The following SRGAP3 variants were observed in gnomAD, a reference collection of about 807,000 sequenced individuals.
SRGAP3 encodes SLIT-ROBO Rho GTPase-activating protein 3.
Under a neutral mutation model 121.1 loss-of-function variants are expected in SRGAP3, and 39 were observed. That is an observed-to-expected ratio of 0.32 (90% CI 0.25 to 0.42). The LOEUF is 0.42. SRGAP3 is among the 10% of genes least tolerant of loss of function. The pLI, the probability that SRGAP3 is intolerant of heterozygous loss-of-function variation, is 1.00. For synonymous variants in SRGAP3, 601 were observed against 570.0 expected (o/e 1.05, Z -0.77); for missense variants, 1,213 against 1,470.6 (o/e 0.82, Z 2.86).
intron 1 of SRGAP3, among the ~76,000 whole-genome samples, chr3:9,129,981 C>T (rs1225580346): frequency 3.9e-5 from 6 of 152,044 alleles, no homozygotes; most frequent in Admixed American, 6.6e-5. Flanking sequence ...AGGCTGGTGT[C>T]GAACTCCCGA....
chr3:9,041,472 C>G (rs145808402), intron 10 of SRGAP3, among the ~76,000 whole-genome samples: 7 of 152,338 alleles, frequency 4.6e-5, no homozygotes, highest in African/African-American at 1.7e-4. Context: ...CTTCTCCTAC[C>G]AAAACTGTAC....
intron 2 of SRGAP3, among the ~76,000 whole-genome samples, chr3:9,123,428 C>T (rs1458033544): frequency 1.3e-5 from 2 of 150,294 alleles, no homozygotes; most frequent in Non-Finnish European, 2.9e-5. Context: ...ATGGAGAGGC[C>T]GGGTATGGTG....
chr3:9,077,730 G>A (rs1262877639), intron 4 of SRGAP3, among the ~76,000 whole-genome samples: 1 of 152,248 alleles, frequency 6.6e-6, no homozygotes, highest in Non-Finnish European at 1.5e-5. Flanking sequence ...TGGAGCACCT[G>A]CTGGATTCAG....
chr3:8,984,173 T>C lies in SRGAP3; in HGVS notation c.*1346A>G, dbSNP rs1324420177. The C allele has an allele frequency of 4.3e-6, 1 of 230,952 alleles. No individual in the cohort carries two copies. The highest frequency in any genetic ancestry group is 8.6e-6 in the Non-Finnish European group (1 of 116,716). 14.3% of individuals were successfully genotyped at this position (230,952 alleles called of 1,614,324 possible). ...ACATTTTCATCTACACTAAATGTTC[T>C]GGAGGGAGTGGGTGAAGGGGGAGGG... On this transcript the variant is annotated 3_prime_UTR_variant, in exon 22 of 22. Coordinates refer to ENST00000383836, the MANE Select transcript of SRGAP3 (RefSeq NM_014850.4).
intron 4 of SRGAP3, among the ~76,000 whole-genome samples, chr3:9,078,365 G>A (rs1947071627): frequency 6.6e-6 from 1 of 152,014 alleles, no homozygotes; most frequent in Non-Finnish European, 1.5e-5. Context: ...ACCTAGACTG[G>A]GGAGCACCTG....
intron 1 of SRGAP3, among the ~76,000 whole-genome samples, chr3:9,244,499 C>A (rs1953755756): frequency 6.6e-6 from 1 of 151,294 alleles, no homozygotes; most frequent in African/African-American, 2.4e-5. Flanking sequence ...TATCAGGTTG[C>A]AATGGAAATA....
In SRGAP3 at chr3:8,992,889, GAAT is replaced by G. The variant is rs773015733; in HGVS notation, c.2558+14_2558+16del. 89 of 1,614,110 alleles carry G rather than the reference GAAT, an allele frequency of 5.5e-5. No individual in the cohort carries two copies. In the Middle Eastern group the frequency reaches 9.9e-4, roughly 18 times the overall value. On this transcript the variant is annotated intron_variant, in intron 20 of 21. Transcript: ENST00000383836. Reference sequence around the variant, plus strand: ...GGATTGACACCAGCAGGGAAAAAATGAATCCGCATATCCTACCGGCCCATCACC... The same window carrying G: ...GGATTGACACCAGCAGGGAAAAAATGCCGCATATCCTACCGGCCCATCACC...
chr3:9,024,506 C>T (rs567381281), intron 14 of SRGAP3, among the ~76,000 whole-genome samples: 10 of 152,298 alleles, frequency 6.6e-5, no homozygotes, highest in African/African-American at 2.2e-4. Flanking sequence ...TGTTTCCTGA[C>T]CCAGTGAGTC....
chr3:8,985,291 C>T lies in SRGAP3; in HGVS notation c.*228G>A, dbSNP rs759347546. ...TGCTGTGGTTGGGGCTGCTGGAGCT[C>T]CAGCACTCCTCTGGTCGTCTGTTGA... On this transcript the variant is annotated 3_prime_UTR_variant, in exon 22 of 22. Transcript: ENST00000383836. This position sits in a 1 kb window ranked among gnomAD's most constrained non-coding sequence, Gnocchi z 5.1. The T allele has an allele frequency of 1.4e-5, 13 of 930,316 alleles. No individual in the cohort carries two copies. The highest frequency in any genetic ancestry group is 1.8e-5 in the Non-Finnish European group (12 of 655,256). The allele number at this position is 930,316 out of a possible 1,614,324, so 57.6% of individuals were successfully genotyped here.
chr3:9,336,743 C>T (rs1055065521), intron 1 of SRGAP3, among the ~76,000 whole-genome samples: 1 of 151,986 alleles, frequency 6.6e-6, no homozygotes, highest in African/African-American at 2.4e-5. Flanking sequence ...TAAATAAACT[C>T]AGATAGGTGG....
intron 3 of SRGAP3, among the ~76,000 whole-genome samples, chr3:9,308,212 G>C (rs992323855): frequency 1.3e-5 from 2 of 152,180 alleles, no homozygotes; most frequent in African/African-American, 2.4e-5. Context: ...TGTTCACTGA[G>C]GGACAACTGA....
chr3:9,295,952 C>G (rs1322587120), intron 3 of SRGAP3, among the ~76,000 whole-genome samples: 1 of 152,180 alleles, frequency 6.6e-6, no homozygotes, highest in East Asian at 1.9e-4. Context: ...GTTCATCCAA[C>G]TTGCTGTATT....
intron 1 of SRGAP3, among the ~76,000 whole-genome samples, chr3:9,243,616 CAGAG>C (rs1287850040): frequency 1.4e-5 from 2 of 140,366 alleles, no homozygotes; most frequent in Non-Finnish European, 1.5e-5. Flanking sequence ...GCCTGGGTGA[CAGAG>C]AGAGACTCTG....
chr3:9,306,667 T>C (rs988485482), intron 3 of SRGAP3, among the ~76,000 whole-genome samples: 4 of 152,224 alleles, frequency 2.6e-5, no homozygotes, highest in Admixed American at 6.5e-5. Flanking sequence ...ATTTATTAAA[T>C]AGGAAATCCC....
intron 1 of SRGAP3, among the ~76,000 whole-genome samples, chr3:9,340,024 G>C (rs1359000847): frequency 6.6e-6 from 1 of 152,110 alleles, no homozygotes; most frequent in Non-Finnish European, 1.5e-5. Context: ...TAGACAGGAG[G>C]AAACAATGAA....
chr3:9,044,106 T>A (rs1350967810), intron 10 of SRGAP3, among the ~76,000 whole-genome samples: 1 of 152,162 alleles, frequency 6.6e-6, no homozygotes, highest in African/African-American at 2.4e-5. Context: ...TTGACTTGCA[T>A]GTCTGGGGTC....
At chr3:9,207,577 A>C (rs1952306671) in intron 1 of SRGAP3, among the ~76,000 whole-genome samples, 1 of 152,124 alleles carries the variant, frequency 6.6e-6, no homozygotes, top group African/African-American at 2.4e-5. Flanking sequence ...AACCCGCGGG[A>C]GGGAGGAGAA....
intron 3 of SRGAP3, among the ~76,000 whole-genome samples, chr3:9,314,128 T>C (rs1223429408): frequency 3.3e-5 from 5 of 152,254 alleles, no homozygotes; most frequent in Non-Finnish European, 7.3e-5. Context: ...TAGCACTTGA[T>C]AAATAGCTAT....
At chr3:9,297,364 T>C (rs1954969397) in intron 3 of SRGAP3, among the ~76,000 whole-genome samples, 1 of 152,128 alleles carries the variant, frequency 6.6e-6, no homozygotes, top group African/African-American at 2.4e-5. Flanking sequence ...TAGCAGGAGC[T>C]TGAAGTCAGG....
Sources: gnomAD v4.1 joint callset for allele counts (sites outside exome capture counted in the v4.1 genomes callset) on GRCh38, gnomAD v4.1.1 for gene constraint, Gnocchi (gnomAD v3.1) non-coding constraint, MANE v1.5 for transcripts, NCBI Gene and HGNC (gene_info 2026-07-23, HGNC 2026-07-21) for gene names.